MYB: variants seen among roughly 807,000 people sequenced by gnomAD.
The protein encoded by MYB is MYB proto-oncogene, transcription factor, also known as transcriptional activator Myb.
A neutral mutation model predicts 92.9 loss-of-function variants in MYB; 28 were observed. The observed-to-expected ratio is 0.30, with a 90% CI of 0.22 to 0.41. The LOEUF (loss-of-function observed/expected upper bound fraction) is 0.41. Ranked by LOEUF, MYB falls within the 10% of genes least tolerant of loss-of-function variation. The pLI is 1.00. For synonymous variants in MYB, 295 were observed against 329.1 expected (o/e 0.90, Z 1.12); for missense variants, 679 against 929.3 (o/e 0.73, Z 3.50).
At chr6:135,184,322 C>CTTTTTTTTTTTT in intron 1 of MYB, among the ~76,000 whole-genome samples, 37 of 68,420 alleles carry the variant, frequency 5.4e-4, no homozygotes, top group South Asian at 1.2e-3. Context: ...GGCTTTATAG[C>CTTTTTTTTTTTT]TTTTTTTTTT....
In MYB at chr6:135,195,785, G is replaced by A. The variant is rs758156067; in HGVS notation, c.986G>A (p.Ser329Asn). 6.2e-7 allele frequency: 1 copy of A among 1,614,078 alleles called. No homozygotes were observed. Residue 329 changes from serine (S) to asparagine (N), a missense_variant, in exon 9 of 16, where the codon AGC becomes AAC. By Grantham distance (46) the Ser-to-Asn change is conservative. This residue lies in a region of MYB where 56 missense variants were observed against 55.8 expected (regional missense o/e 1.00). Coordinates refer to ENST00000341911, the MANE Select transcript of MYB (RefSeq NM_001130173.2). ...NHTCSYPGWHSTTIADHTRPH... is the reference protein window; with the variant it reads ...NHTCSYPGWHNTTIADHTRPH... ...ACATGCAGCTACCCCGGGTGGCACA[G>A]CACCACCATTGCCGACCACACCAGA...
Position 135,218,059 on chromosome 6 carries a change from T to G in MYB, c.*79T>G, listed in dbSNP as rs1780693704. On this transcript the variant is annotated 3_prime_UTR_variant, in exon 16 of 16. Transcript: ENST00000341911. Reference sequence around the variant, plus strand: ...TATATCATTCCTCAACATGAAACTTTTCATGAATGGGAGAAGAACCTATTT... The same window carrying G: ...TATATCATTCCTCAACATGAAACTTGTCATGAATGGGAGAAGAACCTATTT... 1 of 1,140,838 alleles carries G rather than the reference T, an allele frequency of 8.8e-7. No individual in the cohort carries two copies. The highest frequency in any genetic ancestry group is 1.7e-5 in the Admixed American group (1 of 57,402). The allele number at this position is 1,140,838 out of a possible 1,614,324, so 70.7% of individuals were successfully genotyped here.
intron 15 of MYB, among the ~76,000 whole-genome samples, chr6:135,215,762 C>T (rs55974056): frequency 1.3e-3 from 194 of 152,140 alleles, no homozygotes; most frequent in Admixed American, 2.5e-3. Flanking sequence ...CCTCTCTCTC[C>T]CCTAATCTTA....
intron 8 of MYB, chr6:135,194,996 G>A (rs778879476): frequency 8.2e-6 from 11 of 1,340,354 alleles, no homozygotes; most frequent in East Asian, 4.6e-5. Context: ...CATCTTTAGC[G>A]ACTGGGCAGC....
intron 15 of MYB, among the ~76,000 whole-genome samples, chr6:135,217,359 G>A (rs1016095089): frequency 2.1e-5 from 3 of 142,982 alleles, no homozygotes. Context: ...GACAGAGCAT[G>A]ACTCTGTCTC....
chr6:135,200,503 C>A, intron 13 of MYB, 88 bp downstream of exon 13: 1 of 1,563,512 alleles, frequency 6.4e-7, no homozygotes, highest in African/African-American at 1.4e-5. Context: ...GCCATTGGCA[C>A]TGTGCAACAC....
At chr6:135,214,567 T>A (rs1780173560) in intron 15 of MYB, among the ~76,000 whole-genome samples, 1 of 152,226 alleles carries the variant, frequency 6.6e-6, no homozygotes, top group African/African-American at 2.4e-5. Flanking sequence ...GTTTTGTCAC[T>A]TGTTCTTTAA....
intron 2 of MYB, among the ~76,000 whole-genome samples, chr6:135,187,604 G>T (rs957070799): frequency 2.0e-5 from 3 of 152,080 alleles, no homozygotes; most frequent in Admixed American, 2.0e-4. Flanking sequence ...GGCCCAGAAA[G>T]GTAAAATGGT....
chr6:135,201,219 T>A (rs1422257103), intron 13 of MYB, among the ~76,000 whole-genome samples: 1 of 150,468 alleles, frequency 6.6e-6, no homozygotes, highest in African/African-American at 2.5e-5. Flanking sequence ...TATTTTTTTT[T>A]ATAGCTAAAA....
At position 135,193,831 on chromosome 6, in the gene MYB, C is replaced by G. The variant is rs1776942982; in HGVS notation, c.763-7C>G. On this transcript the variant is annotated splice_polypyrimidine_tract_variant and splice_region_variant and intron_variant, in intron 6 of 15. Transcript: ENST00000341911. ...GACGTGGCCTTTGTTTTGTCTTTTGCATCTAGGTCTCCAGTCATGTTCCAT... is the reference window on the plus strand; with the variant it reads ...GACGTGGCCTTTGTTTTGTCTTTTGGATCTAGGTCTCCAGTCATGTTCCAT... The G allele has an allele frequency of 1.9e-6, 3 of 1,604,128 alleles. No homozygotes were observed. The highest frequency in any genetic ancestry group is 2.6e-6 in the Non-Finnish European group (3 of 1,171,192).
chr6:135,212,805 A>G (rs1411879021), intron 15 of MYB, among the ~76,000 whole-genome samples: 2 of 152,236 alleles, frequency 1.3e-5, no homozygotes, highest in Non-Finnish European at 2.9e-5. Flanking sequence ...GAGAACAAGG[A>G]GAATTTGCAA....
Position 135,196,962 on chromosome 6 carries a change from A to T in MYB, c.1205A>T (p.Asp402Val). The change falls in exon 10 of 16, where the codon GAT becomes GTT. Residue 402 changes from aspartate (D) to valine (V), a missense_variant and splice_region_variant. Physicochemically the swap from Asp to Val is radical, Grantham distance 152. Around this residue, in one of 8 missense-constraint regions of MYB, gnomAD observed 402 missense variants for 434.2 expected, o/e 0.93. Transcript: ENST00000341911. ...TCTGTGCCTCCCACATTGTTTCAGG[A>T]TTCTTCATCATGGTGTGATCTCAGC... is the stretch of plus-strand genomic sequence containing the variant. ...FAETLQFIDS[D>V]SSSWCDLSSF... 6.2e-7 allele frequency: 1 copy of T among 1,611,082 alleles called. No individual in the cohort carries two copies. Among genetic ancestry groups the T allele is most frequent in the Non-Finnish European group, 8.5e-7 (1 of 1,178,526 alleles).
chr6:135,181,366 C>T lies in MYB; in HGVS notation c.-148C>T, dbSNP rs1775010715. On this transcript the variant is annotated 5_prime_UTR_variant, in exon 1 of 16. Transcript: ENST00000341911. The surrounding 1 kb of genome is among the most constrained non-coding windows in gnomAD (Gnocchi z 5.3). ...TTCTCCTCCTCCTCCGTGACCTCCT[C>T]CTCCTCTTTCTCCTGAGAAACTTCG... The T allele has an allele frequency of 1.3e-5, 4 of 305,644 alleles. No individual in the cohort carries two copies. Among genetic ancestry groups the T allele is most frequent in the Non-Finnish European group, 2.1e-5 (4 of 194,052 alleles). 18.9% of individuals were successfully genotyped at this position (305,644 alleles called of 1,614,324 possible). A position where few individuals can be genotyped will look rare whatever the true frequency, so the allele number is the denominator to read the frequency against.
chr6:135,204,910 C>A (rs1778657567), intron 15 of MYB, among the ~76,000 whole-genome samples: 1 of 152,068 alleles, frequency 6.6e-6, no homozygotes, highest in Non-Finnish European at 1.5e-5. Context: ...GAGTTTGAGA[C>A]CAGCCTGGCC....
chr6:135,197,355 A>C (rs1777477783), intron 10 of MYB, 32 bp downstream of exon 10: 1 of 1,508,296 alleles, frequency 6.6e-7, no homozygotes, highest in Admixed American at 1.9e-5. Flanking sequence ...GCTGTTACTC[A>C]TTTTCAACAG....
In MYB at chr6:135,200,300, C is replaced by A. The variant is rs750397896; in HGVS notation, c.1835C>A (p.Pro612His). 1.2e-6 allele frequency: 2 copies of A among 1,613,908 alleles called. No individual in the cohort carries two copies. Among genetic ancestry groups the A allele is most frequent in the African/African-American group, 2.7e-5 (2 of 74,902 alleles). Residue 612 changes from proline to histidine, a missense_variant, in exon 13 of 16, where the codon CCC (proline) becomes CAC (histidine). By Grantham distance (77) the Pro-to-His change is moderately conservative. This residue lies in a region of MYB where 402 missense variants were observed against 434.2 expected (regional missense o/e 0.93). Coordinates refer to ENST00000341911, the MANE Select transcript of MYB (RefSeq NM_001130173.2). ...YGPLKMLPQT[P>H]SHLVEDLQDV... ...CACTCTTCCGTTTAGCCTCAGACAC[C>A]CTCTCATCTAGTAGAAGATCTGCAG...
intron 15 of MYB, among the ~76,000 whole-genome samples, chr6:135,215,395 T>C (rs1230314539): frequency 6.6e-6 from 1 of 152,308 alleles, no homozygotes; most frequent in Non-Finnish European, 1.5e-5. Context: ...CGTCTGGTAC[T>C]CACCAGGGGT....
chr6:135,200,477 G>A (rs1411913560), intron 13 of MYB, 62 bp downstream of exon 13: 1 of 1,605,666 alleles, frequency 6.2e-7, no homozygotes, highest in Non-Finnish European at 8.5e-7. Context: ...TTCCTTGTGT[G>A]CAGCTTGATG....
intron 1 of MYB, among the ~76,000 whole-genome samples, chr6:135,184,009 C>G (rs947905829): frequency 6.6e-6 from 1 of 152,156 alleles, no homozygotes; most frequent in South Asian, 2.1e-4. Flanking sequence ...TGTTGATTCC[C>G]GTGCTCTCAC....
Sources: gnomAD v4.1 joint callset for allele counts (sites outside exome capture counted in the v4.1 genomes callset) on GRCh38, gnomAD v4.1.1 for gene constraint, gnomAD v4.1.1 regional missense constraint, Gnocchi (gnomAD v3.1) non-coding constraint, MANE v1.5 for transcripts, NCBI Gene and HGNC (gene_info 2026-07-23, HGNC 2026-07-21) for gene names.